The following AFF2 variants were observed in gnomAD, a reference collection of about 807,000 sequenced individuals.
AFF2 encodes AF4/FMR2 family member 2.
Under a neutral mutation model 76.9 loss-of-function variants are expected in AFF2, and 14 were observed. The ratio of observed to expected loss-of-function variants is 0.18; its 90% confidence interval spans 0.12 to 0.28. AFF2 has a LOEUF of 0.28. Ranked by LOEUF, AFF2 falls within the 10% of genes least tolerant of loss-of-function variation. AFF2 has a pLI of 1.00. For missense variants in AFF2, 868 were observed against 1,001.1 expected (o/e 0.87, Z 1.79); for synonymous variants, 398 against 366.7 (o/e 1.09, Z -0.98).
intron 3 of AFF2, among the ~76,000 whole-genome samples, chrX:148,740,222 C>T (rs925703864): frequency 1.1e-4 from 12 of 112,013 alleles, no homozygotes; most frequent in Non-Finnish European, 2.1e-4. Context: ...AAGTTTTCCT[C>T]GGTCATTCCC....
chrX:148,930,705 G>T (rs1032081141), intron 9 of AFF2, among the ~76,000 whole-genome samples: 19 of 112,127 alleles, frequency 1.7e-4, no homozygotes, highest in African/African-American at 5.5e-4. Flanking sequence ...GAGGCCTCTG[G>T]CTACTCAACC....
At chrX:148,587,624 A>G (rs1299309968) in intron 1 of AFF2, among the ~76,000 whole-genome samples, 1 of 112,099 alleles carries the variant, frequency 8.9e-6, no homozygotes, top group Non-Finnish European at 1.9e-5. Flanking sequence ...AAAAGGAAAC[A>G]TCACGCTAAA....
At chrX:148,928,564 A>G (rs1266647759) in intron 9 of AFF2, among the ~76,000 whole-genome samples, 1 of 112,811 alleles carries the variant, frequency 8.9e-6, no homozygotes, top group Non-Finnish European at 1.9e-5. Context: ...CTTCATTTAC[A>G]CATTTCAAAA....
chrX:148,949,880 T>C (rs782499663), intron 9 of AFF2, among the ~76,000 whole-genome samples: 3 of 112,872 alleles, frequency 2.7e-5, no homozygotes, highest in Admixed American at 1.9e-4. Context: ...TCTTAGTGAA[T>C]GAAGAATATA....
intron 1 of AFF2, among the ~76,000 whole-genome samples, chrX:148,540,287 C>A (rs951418812): frequency 9.0e-6 from 1 of 111,110 alleles, no homozygotes; most frequent in Admixed American, 9.6e-5. Context: ...AAGCACAACA[C>A]CTTCTGCATT....
At chrX:148,888,965 A>G (rs1213449167) in intron 8 of AFF2, among the ~76,000 whole-genome samples, 2 of 111,732 alleles carry the variant, frequency 1.8e-5, no homozygotes, top group African/African-American at 6.5e-5. Flanking sequence ...CAGTGGCTGC[A>G]TTCGTGCAGA....
intron 1 of AFF2, among the ~76,000 whole-genome samples, chrX:148,621,417 A>C (rs1227277288): frequency 9.0e-6 from 1 of 110,799 alleles, no homozygotes; most frequent in Non-Finnish European, 1.9e-5. Flanking sequence ...AGTTTCTTTG[A>C]AGTGGAACAG....
chrX:148,919,263 G>A (rs2071565449), intron 9 of AFF2, among the ~76,000 whole-genome samples: 1 of 111,118 alleles, frequency 9.0e-6, no homozygotes, highest in South Asian at 3.8e-4. Context: ...AAGCAACCCT[G>A]TGCAATATCA....
chrX:148,784,706 C>T (rs1007218593), intron 3 of AFF2, among the ~76,000 whole-genome samples: 4 of 112,106 alleles, frequency 3.6e-5, no homozygotes, highest in Non-Finnish European at 1.9e-5. Flanking sequence ...TGGAACTGTA[C>T]ATAATTGCTC....
intron 7 of AFF2, among the ~76,000 whole-genome samples, chrX:148,875,991 G>T (rs1411341851): frequency 8.9e-6 from 1 of 111,871 alleles, no homozygotes; most frequent in Non-Finnish European, 1.9e-5. Context: ...TTAAAAACAT[G>T]ATCTACTTCT....
At chrX:148,686,060 T>C (rs1400554311) in intron 3 of AFF2, among the ~76,000 whole-genome samples, 1 of 111,698 alleles carries the variant, frequency 9.0e-6, no homozygotes, top group Non-Finnish European at 1.9e-5. Context: ...AATTTTTCTA[T>C]TTAACAAATA....
intron 2 of AFF2, among the ~76,000 whole-genome samples, chrX:148,654,727 A>G (rs1319654772): frequency 1.8e-5 from 2 of 109,084 alleles, no homozygotes; most frequent in East Asian, 5.9e-4. Context: ...ATGAGAACAA[A>G]GCAGGCGAGG....
At chrX:148,949,028 G>A (rs115793294) in intron 9 of AFF2, among the ~76,000 whole-genome samples, 2 of 110,613 alleles carry the variant, frequency 1.8e-5, no homozygotes, top group African/African-American at 3.3e-5. Flanking sequence ...TGTATTTACC[G>A]TGGAAGTTCA....
intron 3 of AFF2, among the ~76,000 whole-genome samples, chrX:148,670,641 A>G (rs186497314): frequency 9.9e-5 from 11 of 111,451 alleles, no homozygotes; most frequent in African/African-American, 3.6e-4. Flanking sequence ...TTTCCCTGTC[A>G]TCCTAGGAGA....
At chrX:148,743,312 G>A (rs781804049) in intron 3 of AFF2, among the ~76,000 whole-genome samples, 1 of 112,095 alleles carries the variant, frequency 8.9e-6, no homozygotes, top group African/African-American at 3.2e-5. Context: ...AAAGAATTTT[G>A]TGTCCTTCAA....
At chrX:148,522,884 G>GATCT (rs1231069951) in intron 1 of AFF2, among the ~76,000 whole-genome samples, 1 of 112,543 alleles carries the variant, frequency 8.9e-6, no homozygotes, top group Non-Finnish European at 1.9e-5. Context: ...TTAGTATAAA[G>GATCT]ATCTGCTCTA....
chrX:148,874,623 C>T (rs1198176149), intron 7 of AFF2, among the ~76,000 whole-genome samples: 3 of 111,832 alleles, frequency 2.7e-5, no homozygotes, highest in Admixed American at 9.5e-5. Context: ...GAGTTATCTC[C>T]GTGTTTCAGA....
At chrX:148,683,860 C>T (rs1557260131) in intron 3 of AFF2, among the ~76,000 whole-genome samples, 1 of 111,715 alleles carries the variant, frequency 9.0e-6, no homozygotes, top group Admixed American at 9.5e-5. Flanking sequence ...TTCATTGCAT[C>T]GCTGACTTTT....
chrX:148,987,738 T>C (rs1377229888), intron 20 of AFF2, among the ~76,000 whole-genome samples, 181 bp downstream of exon 20: 4 of 111,531 alleles, frequency 3.6e-5, no homozygotes, highest in Non-Finnish European at 1.9e-5. Context: ...CCTGAGAGCA[T>C]AAAAAAGCCC....
Sources: allele counts gnomAD v4.1 joint callset (sites outside exome capture counted in the v4.1 genomes callset), GRCh38; gene constraint gnomAD v4.1.1; transcripts MANE v1.5; gene names NCBI Gene and HGNC (gene_info 2026-07-23, HGNC 2026-07-21).